The following GREB1 variants were observed in gnomAD, a reference collection of about 807,000 sequenced individuals.
GREB1 encodes protein GREB1.
GREB1 carries 106 observed loss-of-function variants against 200.7 expected under a neutral mutation model. The ratio of observed to expected loss-of-function variants is 0.53; its 90% CI spans 0.45 to 0.62. The LOEUF (loss-of-function observed/expected upper bound fraction) is 0.62, where lower values mean the gene tolerates loss of function less well. GREB1 is among the 20% of genes least tolerant of loss of function. The pLI is 0.00. For synonymous variants in GREB1, 1,132 were observed against 1,092.4 expected (o/e 1.04, Z -0.72); for missense variants, 2,243 against 2,556.8 (o/e 0.88, Z 2.65).
intron 26 of GREB1, 39 bp downstream of exon 26, chr2:11,630,148 C>T: frequency 1.2e-6 from 2 of 1,604,416 alleles, no homozygotes; most frequent in South Asian, 1.1e-5. Flanking sequence ...ATCCAAGTGG[C>T]TTCAACTGGG....
At position 11,596,202 on chromosome 2, in the gene GREB1, A is replaced by G. The variant is rs763938717; in HGVS notation, c.1917A>G (p.Ala639=). 1.2e-6 allele frequency: 2 copies of G among 1,613,946 alleles called. No homozygotes were observed. The highest frequency in any genetic ancestry group is 2.2e-5 in the East Asian group (1 of 44,886). The change falls in exon 13 of 33, where the codon GCA becomes GCG. Residue 639 remains alanine (A), a synonymous_variant. Transcript: ENST00000381486. ...TCGCTGCCTCTTCTGTCACTAAAGCAGCATCCCTGGATGTCAGTGGGACAC... is the reference window on the plus strand; with the variant it reads ...TCGCTGCCTCTTCTGTCACTAAAGCGGCATCCCTGGATGTCAGTGGGACAC... ...SSLAASSVTK[A]ASLDVSGTPV...
chr2:11,583,350 C>T (rs1465737040), intron 7 of GREB1, among the ~76,000 whole-genome samples: 4 of 152,198 alleles, frequency 2.6e-5, no homozygotes, highest in Non-Finnish European at 5.9e-5. Flanking sequence ...TCTAAGGCCT[C>T]ATCCCTGCAA....
In GREB1 at chr2:11,556,603, A is replaced by G. The variant is rs781220489; in HGVS notation, c.-12A>G. On this transcript the variant is annotated 5_prime_UTR_variant, in exon 2 of 33. Transcript: ENST00000381486. Reference sequence around the variant, plus strand: ...GATGCCATTTTAAACAGAAGACTCCATCCTCTTGAAGATGGGAAATTCTTA... The same window carrying G: ...GATGCCATTTTAAACAGAAGACTCCGTCCTCTTGAAGATGGGAAATTCTTA... The G allele has an allele frequency of 3.5e-5, 56 of 1,604,484 alleles. 1 individual carries two copies. In the South Asian group the frequency reaches 5.8e-4, roughly 17 times the overall value.
At chr2:11,579,437 A>G (rs1203138987) in intron 6 of GREB1, among the ~76,000 whole-genome samples, 1 of 151,336 alleles carries the variant, frequency 6.6e-6, no homozygotes, top group African/African-American at 2.4e-5. Flanking sequence ...GGGCAATTGT[A>G]AGAATTAAAT....
At position 11,578,166 on chromosome 2, in the gene GREB1, G is replaced by A. The variant is rs1364619412; in HGVS notation, c.638-131G>A. 3.1e-6 allele frequency: 3 copies of A among 971,070 alleles called. No individual in the cohort carries two copies. The East Asian group carries it at 7.4e-5, about 24-fold the overall frequency. 60.2% of individuals were successfully genotyped at this position (971,070 alleles called of 1,614,324 possible). A position where few individuals can be genotyped will look rare whatever the true frequency, so the allele number is the denominator to read the frequency against. ...GGCTTCACGCTGAAACAAAGACCAG[G>A]ATGTGGTGGCAGCTTGTGTGGCTGT... On this transcript the variant is annotated intron_variant, in intron 5 of 32. Transcript: ENST00000381486.
At chr2:11,565,577 A>G (rs1329608380) in intron 3 of GREB1, among the ~76,000 whole-genome samples, 2 of 152,212 alleles carry the variant, frequency 1.3e-5, no homozygotes, top group African/African-American at 4.8e-5. Context: ...CCTTATCCAA[A>G]TTAGTCTCAG....
chr2:11,587,692 A>G, intron 9 of GREB1: 12 of 984,108 alleles, frequency 1.2e-5, no homozygotes, highest in Non-Finnish European at 1.5e-5. Context: ...GGAGTACAAG[A>G]TAACACACAC....
chr2:11,574,680 T>C lies in GREB1; in HGVS notation c.455-1673T>C, dbSNP rs551384488. 3.3e-5 allele frequency among the ~76,000 whole-genome samples: 5 copies of C among 152,358 alleles called. No homozygotes were observed. In the South Asian group the frequency reaches 1.0e-3, roughly 32 times the overall value. ...GCCACACTTTCTGTACCTATGGATT[T>C]GAACAATTGGCCTCTCTGGTTCTCT... On this transcript the variant is annotated intron_variant, in intron 4 of 32. Transcript: ENST00000381486.
At chr2:11,564,911 G>A (rs776615380) in intron 3 of GREB1, among the ~76,000 whole-genome samples, 9 of 152,190 alleles carry the variant, frequency 5.9e-5, no homozygotes, top group Non-Finnish European at 1.0e-4. Flanking sequence ...AGACAAGACA[G>A]GAGAGCTGGT....
intron 19 of GREB1, among the ~76,000 whole-genome samples, chr2:11,613,786 T>C (rs1683142985): frequency 6.6e-6 from 1 of 152,210 alleles, no homozygotes; most frequent in Admixed American, 6.5e-5. Flanking sequence ...GATAGACTTT[T>C]CATATGAAAC....
At chr2:11,611,144 G>A (rs1318912155) in intron 18 of GREB1, 117 bp downstream of exon 18, 7 of 824,332 alleles carry the variant, frequency 8.5e-6, no homozygotes, top group Non-Finnish European at 1.3e-5. Flanking sequence ...GGCTTCCCTA[G>A]ACCCAGCCAC....
chr2:11,600,763 A>C (rs750075206), intron 15 of GREB1, 37 bp from the exon 16 acceptor site: 5 of 1,542,198 alleles, frequency 3.2e-6, no homozygotes, highest in Non-Finnish European at 4.5e-6. Context: ...AGAAAACAAT[A>C]TAGTAATTCC....
intron 4 of GREB1, among the ~76,000 whole-genome samples, chr2:11,574,651 G>A (rs940679799): frequency 1.3e-5 from 2 of 152,214 alleles, no homozygotes; most frequent in African/African-American, 4.8e-5. Context: ...GGCTGGAGTT[G>A]AATGCCACAC....
At position 11,640,593 on chromosome 2, in the gene GREB1, A is replaced by G; in HGVS notation, c.*139A>G. 3.2e-6 allele frequency: 3 copies of G among 943,312 alleles called. No individual in the cohort carries two copies. In the East Asian group the frequency reaches 7.6e-5, roughly 24 times the overall value. 58.4% of individuals were successfully genotyped at this position (943,312 alleles called of 1,614,324 possible). On this transcript the variant is annotated 3_prime_UTR_variant, in exon 33 of 33. Coordinates refer to ENST00000381486, the MANE Select transcript of GREB1 (RefSeq NM_014668.4). This position sits in a 1 kb window ranked among gnomAD's most constrained non-coding sequence, Gnocchi z 4.6. ...GTCCAGGTGCAGCCCCTCCTAGTAC[A>G]CATGGGCCCCCGAGGCCGTGGTCCT...
chr2:11,520,740 C>T (rs1242776111), intron 1 of GREB1, among the ~76,000 whole-genome samples: 2 of 152,228 alleles, frequency 1.3e-5, no homozygotes, highest in Non-Finnish European at 2.9e-5. Flanking sequence ...CTCCGCATCT[C>T]AAGGTCTGGA....
At chr2:11,557,368 G>C (rs1218216944) in intron 2 of GREB1, among the ~76,000 whole-genome samples, 2 of 152,238 alleles carry the variant, frequency 1.3e-5, no homozygotes, top group Admixed American at 1.3e-4. Flanking sequence ...CATAGTATGA[G>C]ATAGCTCTGT....
intron 1 of GREB1, among the ~76,000 whole-genome samples, chr2:11,483,312 G>C (rs1381931665): frequency 7.8e-6 from 1 of 128,608 alleles, no homozygotes. Flanking sequence ...GTGTACGCGT[G>C]TATCGGTGTG....
chr2:11,635,172 C>G, intron 29 of GREB1, 98 bp from the exon 30 acceptor site: 2 of 1,418,230 alleles, frequency 1.4e-6, no homozygotes, highest in Non-Finnish European at 1.9e-6. Flanking sequence ...ACCTTCATAG[C>G]CCCCTACGAT....
intron 1 of GREB1, among the ~76,000 whole-genome samples, chr2:11,500,959 A>G (rs1054358470): frequency 1.3e-5 from 2 of 152,156 alleles, no homozygotes; most frequent in Admixed American, 1.3e-4. Context: ...AGTTCAGGAG[A>G]CACCATTTCA....
Sources: gnomAD v4.1 joint callset for allele counts (sites outside exome capture counted in the v4.1 genomes callset) on GRCh38, gnomAD v4.1.1 for gene constraint, Gnocchi (gnomAD v3.1) non-coding constraint, MANE v1.5 for transcripts, NCBI Gene and HGNC (gene_info 2026-07-23, HGNC 2026-07-21) for gene names.